Variants in MAN1A1 observed in about 807,000 individuals in gnomAD.
The protein encoded by MAN1A1 is mannosyl-oligosaccharide 1,2-alpha-mannosidase IA.
In MAN1A1, 29 loss-of-function variants were observed where a neutral mutation model predicts 70.8. The ratio of observed to expected loss-of-function variants is 0.41; its 90% CI spans 0.31 to 0.56. The LOEUF (loss-of-function observed/expected upper bound fraction) is 0.56. Ranked by LOEUF, MAN1A1 falls within the 20% of genes least tolerant of loss-of-function variation. The pLI, the probability that MAN1A1 is intolerant of heterozygous loss-of-function variation, is 0.29. For missense variants in MAN1A1, 747 were observed against 841.3 expected, an observed-to-expected ratio of 0.89 and a Z score of 1.39; for synonymous variants, 349 against 330.1, an observed-to-expected ratio of 1.06 and a Z score of -0.62.
intron 4 of MAN1A1, among the ~76,000 whole-genome samples, chr6:119,293,617 CTT>C (rs1363055040): frequency 6.6e-6 from 1 of 152,092 alleles, no homozygotes; most frequent in Non-Finnish European, 1.5e-5. Context: ...ACATATAATT[CTT>C]TCTCTCTCCT....
At chr6:119,326,501 C>T (rs1208952105) in intron 2 of MAN1A1, among the ~76,000 whole-genome samples, 2 of 152,218 alleles carry the variant, frequency 1.3e-5, no homozygotes, top group African/African-American at 4.8e-5. Flanking sequence ...GGATGCCTGC[C>T]TTGGCCTACT....
intron 6 of MAN1A1, chr6:119,210,916 A>T (rs552723461): frequency 1.3e-5 from 6 of 456,136 alleles, no homozygotes; most frequent in Admixed American, 4.7e-5. Flanking sequence ...AGCCCTTGGG[A>T]TATTGCACAT....
chr6:119,206,554 A>G (rs1346982922), intron 6 of MAN1A1, among the ~76,000 whole-genome samples: 1 of 152,238 alleles, frequency 6.6e-6, no homozygotes, highest in Non-Finnish European at 1.5e-5. Context: ...AGACACAGAG[A>G]TCTGAAAATG....
chr6:119,293,789 C>T (rs533462112), intron 4 of MAN1A1, among the ~76,000 whole-genome samples: 49 of 152,146 alleles, frequency 3.2e-4, no homozygotes, highest in African/African-American at 1.2e-3. Context: ...TAAAAATTCT[C>T]CCACCACACC....
At chr6:119,263,121 C>G (rs1377639172) in intron 5 of MAN1A1, among the ~76,000 whole-genome samples, 1 of 152,112 alleles carries the variant, frequency 6.6e-6, no homozygotes, top group East Asian at 1.9e-4. Context: ...ACTGGTTCTC[C>G]TTGCTCCTTA....
At position 119,236,618 on chromosome 6, in the gene MAN1A1, G is replaced by A. The variant is rs146111504; in HGVS notation, c.992+11642C>T. 4.0e-3 allele frequency among the ~76,000 whole-genome samples: 596 copies of A among 147,922 alleles called. 1 individual carries two copies. The highest frequency in any genetic ancestry group is 6.0e-3 in the Non-Finnish European group (404 of 67,578). ...AGCTACTCGGGAGGTTGAGGCAGAA[G>A]AATGGCTTACACCTGAGAGGTGGAG... is the stretch of plus-strand genomic sequence containing the variant. On this transcript the variant is annotated intron_variant, in intron 6 of 12. Transcript: ENST00000368468.
At chr6:119,214,829 T>A (rs1236305087) in intron 6 of MAN1A1, among the ~76,000 whole-genome samples, 1 of 152,168 alleles carries the variant, frequency 6.6e-6, no homozygotes, top group Non-Finnish European at 1.5e-5. Context: ...TGAAACAAAT[T>A]ACCGTCATTA....
chr6:119,215,090 C>G (rs903876376), intron 6 of MAN1A1, among the ~76,000 whole-genome samples: 1 of 151,634 alleles, frequency 6.6e-6, no homozygotes, highest in Non-Finnish European at 1.5e-5. Context: ...AGGAGATATA[C>G]CTAATGTTAA....
At position 119,239,802 on chromosome 6, in the gene MAN1A1, C is replaced by T. The variant is rs966155256; in HGVS notation, c.992+8458G>A. ...AATTCAATTCCTTGAAAAGATTATT[C>T]CATTGTTAGCTTGTGAGGGAGGTAT... is the stretch of plus-strand genomic sequence containing the variant. On this transcript the variant is annotated intron_variant, in intron 6 of 12. Coordinates refer to ENST00000368468, the MANE Select transcript of MAN1A1 (RefSeq NM_005907.4). 1.1e-4 allele frequency among the ~76,000 whole-genome samples: 17 copies of T among 152,108 alleles called. 1 individual carries two copies. Among genetic ancestry groups the T allele is most frequent in the African/African-American group, 3.9e-4 (16 of 41,416 alleles).
chr6:119,334,895 C>T (rs1420283167), intron 2 of MAN1A1, among the ~76,000 whole-genome samples: 2 of 152,098 alleles, frequency 1.3e-5, no homozygotes, highest in African/African-American at 4.8e-5. Context: ...TTTCTTTATC[C>T]CTGGCTTTCT....
chr6:119,343,462 G>A (rs530404507), intron 2 of MAN1A1, among the ~76,000 whole-genome samples: 2 of 152,034 alleles, frequency 1.3e-5, no homozygotes, highest in Admixed American at 6.6e-5. Flanking sequence ...CTTACGACTC[G>A]GAGCATACAC....
intron 5 of MAN1A1, among the ~76,000 whole-genome samples, chr6:119,265,254 A>G (rs1055526416): frequency 6.6e-6 from 1 of 151,888 alleles, no homozygotes; most frequent in Non-Finnish European, 1.5e-5. Context: ...GCATGCACCA[A>G]TACACCCAGC....
At chr6:119,270,190 A>G (rs558527100) in intron 5 of MAN1A1, among the ~76,000 whole-genome samples, 2 of 152,306 alleles carry the variant, frequency 1.3e-5, no homozygotes, top group East Asian at 3.9e-4. Context: ...AGCCCTGGTT[A>G]GTGGAAAATA....
At chr6:119,277,913 G>T (rs1348720614) in intron 5 of MAN1A1, among the ~76,000 whole-genome samples, 35 of 124,424 alleles carry the variant, frequency 2.8e-4, no homozygotes, top group African/African-American at 1.1e-3. Context: ...CTCCAGCCTG[G>T]GCGACAGAGC....
At chr6:119,197,095 G>A (rs1773589900) in intron 8 of MAN1A1, among the ~76,000 whole-genome samples, 1 of 152,276 alleles carries the variant, frequency 6.6e-6, no homozygotes, top group African/African-American at 2.4e-5. Context: ...GATCACCTGA[G>A]GTCAGGAGTT....
chr6:119,243,887 T>G (rs1775079936), intron 6 of MAN1A1, among the ~76,000 whole-genome samples: 1 of 152,062 alleles, frequency 6.6e-6, no homozygotes. Flanking sequence ...CACACCTTCA[T>G]GGTGTGCAAT....
chr6:119,288,959 C>A (rs187645636), intron 5 of MAN1A1, among the ~76,000 whole-genome samples: 2 of 151,638 alleles, frequency 1.3e-5, no homozygotes, highest in Admixed American at 1.3e-4. Context: ...TCTTTGTAGC[C>A]ATTTGTTTAC....
chr6:119,189,883 C>T lies in MAN1A1; in HGVS notation c.1327G>A (p.Ala443Thr). The T allele has an allele frequency of 6.2e-7, 1 of 1,610,756 alleles. No individual in the cohort carries two copies. The highest frequency in any genetic ancestry group is 8.5e-7 in the Non-Finnish European group (1 of 1,177,422). ...AKKMYFDAVQ[A>T]IETHLIRKSS... is the part of the protein sequence containing the mutation. ...TTGCGGATCAAATGAGTCTCGATAG[C>T]CTGTGAAAAACACTTATTTTTTAAC... is the stretch of plus-strand genomic sequence containing the variant. Residue 443 changes from alanine to threonine, a missense_variant and splice_region_variant, in exon 10 of 13, where the codon GCT becomes ACT. Coordinates refer to ENST00000368468, the MANE Select transcript of MAN1A1 (RefSeq NM_005907.4).
intron 11 of MAN1A1, 56 bp from the exon 12 acceptor site, chr6:119,180,483 A>G: frequency 4.5e-6 from 4 of 898,372 alleles, no homozygotes; most frequent in Non-Finnish European, 7.2e-6. Context: ...GATTGTCACT[A>G]ATTTTTATTA....
Sources: gnomAD v4.1 joint callset for allele counts (sites outside exome capture counted in the v4.1 genomes callset) on GRCh38, gnomAD v4.1.1 for gene constraint, MANE v1.5 for transcripts, NCBI Gene and HGNC (gene_info 2026-07-23, HGNC 2026-07-21) for gene names.